Variants in RP1 observed in about 807,000 individuals in gnomAD.
The protein encoded by RP1 is oxygen-regulated protein 1.
A neutral mutation model predicts 14.8 loss-of-function variants in RP1; 16 were observed. That is an observed-to-expected ratio of 1.08 (90% CI 0.73 to 1.65). The LOEUF is 1.65. RP1 is among the 40% of genes most tolerant of loss of function. RP1 has a pLI of 0.00. For missense variants in RP1, 2,631 were observed against 2,535.0 expected (o/e 1.04, Z -0.81); for synonymous variants, 876 against 883.6 (o/e 0.99, Z 0.15).
At chr8:54,831,966 A>C (rs1378841423) in intron 24 of RP1, among the ~76,000 whole-genome samples, 1 of 151,890 alleles carries the variant, frequency 6.6e-6, no homozygotes, top group Admixed American at 6.6e-5. Context: ...TTAGAACTTA[A>C]AAGATGCTTT....
intron 22 of RP1, among the ~76,000 whole-genome samples, chr8:54,765,786 C>T (rs1288799842): frequency 1.3e-5 from 2 of 152,168 alleles, no homozygotes; most frequent in Non-Finnish European, 2.9e-5. Context: ...GAAGTGTGTT[C>T]ATCCTTACCC....
In RP1 at chr8:54,562,701, A is replaced by G. The variant is rs564531818; in HGVS notation, c.-13+3381A>G. 2.0e-5 allele frequency among the ~76,000 whole-genome samples: 3 copies of G among 152,224 alleles called. No homozygotes were observed. The East Asian group carries it at 5.8e-4, about 29-fold the overall frequency. On this transcript the variant is annotated intron_variant, in intron 1 of 22. Coordinates refer to the RP1 transcript ENST00000636932. ...AAAAAAAAAAAATCTTTTAAGTAATATTAGGATAGGTGAAGTATTAGTATA... is the reference window on the plus strand; with the variant it reads ...AAAAAAAAAAAATCTTTTAAGTAATGTTAGGATAGGTGAAGTATTAGTATA...
At chr8:54,614,073 A>G (rs754524150), upstream of RP1, among the ~76,000 whole-genome samples, 22 of 152,286 alleles carry the variant, frequency 1.4e-4, no homozygotes, top group Non-Finnish European at 2.1e-4. Flanking sequence ...CAATGAGCCT[A>G]TAAAGCAGGT....
At chr8:54,859,861 G>C (rs1238798894) in intron 27 of RP1, among the ~76,000 whole-genome samples, 1 of 152,170 alleles carries the variant, frequency 6.6e-6, no homozygotes, top group Non-Finnish European at 1.5e-5. Flanking sequence ...CAGAGCTGTA[G>C]ACTTTGGCAT....
intron 23 of RP1, among the ~76,000 whole-genome samples, chr8:54,779,044 C>A (rs1367740248): frequency 1.3e-5 from 2 of 152,048 alleles, no homozygotes; most frequent in East Asian, 3.9e-4. Context: ...CTTTATCCCC[C>A]CAAGTCACCT....
intron 24 of RP1, among the ~76,000 whole-genome samples, chr8:54,784,934 T>C (rs1585689711): frequency 6.6e-6 from 1 of 152,018 alleles, no homozygotes; most frequent in Non-Finnish European, 1.5e-5. Context: ...ATTTTTTTGT[T>C]TTAAAGTTTT....
intron 3 of RP1, among the ~76,000 whole-genome samples, chr8:54,639,646 G>A (rs1158524924): frequency 6.6e-6 from 1 of 152,098 alleles, no homozygotes; most frequent in Non-Finnish European, 1.5e-5. Context: ...TTTTTCTAAT[G>A]ACTATTGATG....
intron 24 of RP1, among the ~76,000 whole-genome samples, chr8:54,823,945 C>G (rs1474764584): frequency 2.0e-5 from 3 of 152,118 alleles, no homozygotes; most frequent in African/African-American, 7.2e-5. Context: ...TCCCTGCAAG[C>G]ATTTGATAGT....
intron 3 of RP1, 100 bp from the exon 4 acceptor site, chr8:54,624,565 TTTCTC>T (rs930850735): frequency 5.4e-6 from 6 of 1,110,796 alleles, no homozygotes; most frequent in African/African-American, 4.7e-5. Context: ...CATTTCCCCT[TTTCTC>T]TTTCTTTTTT....
At chr8:54,870,385 C>T (rs1474237831) in exon 29 of RP1, 1 of 152,762 alleles carries the variant, frequency 6.5e-6, no homozygotes, top group Non-Finnish European at 1.5e-5. Context: ...TTTTATGCAA[C>T]CTATGTTAAT....
At chr8:54,761,977 C>A (rs546794810) in intron 22 of RP1, among the ~76,000 whole-genome samples, 1 of 152,238 alleles carries the variant, frequency 6.6e-6, no homozygotes, top group South Asian at 2.1e-4. Flanking sequence ...TCTCCCAGAG[C>A]CTTTTCTGTG....
In RP1 at chr8:54,628,210, G is replaced by T; in HGVS notation, c.4328G>T (p.Arg1443Leu). The change falls in exon 4 of 4, where the codon CGG (arginine) becomes CTG (leucine). Residue 1443 changes from arginine to leucine, a missense_variant. By Grantham distance (102) the Arg-to-Leu change is moderately radical. Coordinates refer to ENST00000220676, the MANE Select transcript of RP1 (RefSeq NM_006269.2). ...AYTSFDMEEP[R>L]TSEEPGSITN... ...ACTTCCTTTGATATGGAAGAACCAC[G>T]GACTTCTGAAGAACCAGGCTCAATA... is the stretch of plus-strand genomic sequence containing the variant. The T allele has an allele frequency of 2.5e-6, 4 of 1,613,900 alleles. No homozygotes were observed. The highest frequency in any genetic ancestry group is 3.4e-6 in the Non-Finnish European group (4 of 1,179,906).
downstream of RP1, among the ~76,000 whole-genome samples, chr8:54,774,697 G>A (rs919502918): frequency 2.0e-5 from 3 of 151,688 alleles, no homozygotes; most frequent in African/African-American, 7.3e-5. Flanking sequence ...TTTTTGGTTT[G>A]AGACAAAATA....
intron 1 of RP1, among the ~76,000 whole-genome samples, chr8:54,569,845 G>A (rs930001366): frequency 1.3e-5 from 2 of 152,196 alleles, no homozygotes; most frequent in South Asian, 2.1e-4. Flanking sequence ...CATGATGTCA[G>A]AAAGAAGCCC....
chr8:54,788,878 T>A (rs1810392416), intron 24 of RP1, among the ~76,000 whole-genome samples: 3 of 152,062 alleles, frequency 2.0e-5, no homozygotes. Flanking sequence ...TCCCAGAAAC[T>A]GGGGGTGAGG....
intron 12 of RP1, among the ~76,000 whole-genome samples, chr8:54,688,727 A>G (rs1042403370): frequency 6.6e-6 from 1 of 152,172 alleles, no homozygotes; most frequent in African/African-American, 2.4e-5. Flanking sequence ...CTTGTAGTAT[A>G]GTTTGAAGTC....
At chr8:54,769,615 A>AACATT in intron 22 of RP1, 1 of 664,436 alleles carries the variant, frequency 1.5e-6, no homozygotes, top group Non-Finnish European at 2.5e-6. Context: ...AAGCAACTTT[A>AACATT]TAGTTAACAT....
intron 24 of RP1, among the ~76,000 whole-genome samples, chr8:54,812,806 T>TATCATCTATC (rs1554535920): frequency 7.4e-6 from 1 of 134,568 alleles, no homozygotes; most frequent in African/African-American, 2.7e-5. Context: ...TCTATCTATC[T>TATCATCTATC]ATCTCTCCGT....
intron 21 of RP1, chr8:54,758,867 C>A: frequency 1.3e-6 from 2 of 1,508,110 alleles, no homozygotes; most frequent in Non-Finnish European, 8.9e-7. Context: ...CTGCATTTGT[C>A]ATGCCTCGGA....
Sources: allele counts gnomAD v4.1 joint callset (sites outside exome capture counted in the v4.1 genomes callset), GRCh38; gene constraint gnomAD v4.1.1; transcripts MANE v1.5; gene names NCBI Gene and HGNC (gene_info 2026-07-23, HGNC 2026-07-21).